KCNIP4: variants seen among roughly 807,000 people sequenced by gnomAD.
KCNIP4 encodes potassium voltage-gated channel interacting protein 4.
In KCNIP4, 12 loss-of-function variants were observed where a neutral mutation model predicts 34.0. The observed-to-expected ratio is 0.35, with a 90% CI of 0.23 to 0.57. The LOEUF is 0.57. KCNIP4 is among the 20% of genes least tolerant of loss of function. The pLI is 0.83. For missense variants in KCNIP4, 238 were observed against 311.7 expected (o/e 0.76, Z 1.78); for synonymous variants, 124 against 102.2 (o/e 1.21, Z -1.29).
intron 1 of KCNIP4, among the ~76,000 whole-genome samples, chr4:21,735,684 C>T (rs1244298183): frequency 6.6e-6 from 1 of 152,098 alleles, no homozygotes; most frequent in East Asian, 1.9e-4. Flanking sequence ...AACATGGAAC[C>T]TAGGTCCCTA....
chr4:21,573,174 G>A (rs780018683), intron 1 of KCNIP4, among the ~76,000 whole-genome samples: 7 of 152,104 alleles, frequency 4.6e-5, no homozygotes, highest in Non-Finnish European at 8.8e-5. Flanking sequence ...CAACAATAAT[G>A]GAAGAGGTAG....
chr4:20,807,062 A>G (rs544197630), intron 3 of KCNIP4, among the ~76,000 whole-genome samples: 220 of 152,234 alleles, frequency 1.4e-3, no homozygotes, highest in African/African-American at 4.1e-3. Context: ...GTGAGTTTAT[A>G]TGGTTCTGTC....
chr4:21,048,944 C>CTTTTTTTTTTTTT (rs949548104), intron 1 of KCNIP4, among the ~76,000 whole-genome samples: 4 of 96,048 alleles, frequency 4.2e-5, no homozygotes, highest in Admixed American at 1.3e-4. Context: ...TTCTGTTTAT[C>CTTTTTTTTTTTTT]TTTTTTTTTT....
At chr4:21,499,381 T>C (rs1435876965) in intron 1 of KCNIP4, among the ~76,000 whole-genome samples, 1 of 151,160 alleles carries the variant, frequency 6.6e-6, no homozygotes, top group African/African-American at 2.4e-5. Context: ...TTTATTAAAA[T>C]CGCTTCCACG....
intron 1 of KCNIP4, among the ~76,000 whole-genome samples, chr4:21,932,903 C>T (rs1729649459): frequency 6.6e-6 from 1 of 151,692 alleles, no homozygotes; most frequent in Non-Finnish European, 1.5e-5. Context: ...AAATGAAGAA[C>T]ATGCCCTAGA....
At position 21,683,831 on chromosome 4, in the gene KCNIP4, G is replaced by A. The variant is rs529599424; in HGVS notation, c.61+264740C>T. Reference sequence around the variant, plus strand: ...AGGTCATTATCCTTAGCAAACTAACGCAGGAACAGAAAACCAAATACCTGT... The same window carrying A: ...AGGTCATTATCCTTAGCAAACTAACACAGGAACAGAAAACCAAATACCTGT... On this transcript the variant is annotated intron_variant, in intron 1 of 8. Coordinates refer to ENST00000382152, the MANE Select transcript of KCNIP4 (RefSeq NM_025221.6). Among the ~76,000 whole-genome samples the A allele has an allele frequency of 7.2e-4, 109 of 152,142 alleles. No homozygotes were observed. The Middle Eastern group carries it at 0.02, about 28-fold the overall frequency.
intron 3 of KCNIP4, among the ~76,000 whole-genome samples, chr4:20,817,071 C>T (rs188912322): frequency 4.8e-4 from 73 of 152,144 alleles, no homozygotes; most frequent in South Asian, 6.2e-4. Flanking sequence ...ATTATTAAGT[C>T]GAGGAATCTT....
intron 1 of KCNIP4, among the ~76,000 whole-genome samples, chr4:20,945,967 G>T (rs1732150040): frequency 6.6e-6 from 1 of 152,126 alleles, no homozygotes; most frequent in African/African-American, 2.4e-5. Context: ...TAAATATAAG[G>T]ACTGAGAGAA....
intron 2 of KCNIP4, among the ~76,000 whole-genome samples, chr4:20,864,074 A>G (rs1722525227): frequency 6.7e-6 from 1 of 149,048 alleles, no homozygotes; most frequent in Non-Finnish European, 1.5e-5. Flanking sequence ...ATGTATACGT[A>G]TGTATGTATG....
In KCNIP4 at chr4:21,673,842, C is replaced by T. The variant is rs1201114285; in HGVS notation, c.61+274729G>A. On this transcript the variant is annotated intron_variant, in intron 1 of 8. Transcript: ENST00000382152. ...AGTATTAAACAACAGTACCTTACTT[C>T]ATCACTTCCATATGACTGACTTGTA... Among the ~76,000 whole-genome samples the T allele has an allele frequency of 2.0e-5, 3 of 152,154 alleles. No homozygotes were observed. The East Asian group carries it at 5.8e-4, about 29-fold the overall frequency.
intron 1 of KCNIP4, among the ~76,000 whole-genome samples, chr4:21,490,846 G>T (rs1183713950): frequency 1.3e-5 from 2 of 152,096 alleles, no homozygotes; most frequent in Non-Finnish European, 2.9e-5. Flanking sequence ...TAGAGAGTAT[G>T]TTAGTGTGTG....
rs185362367 is a variant in KCNIP4 at position 21,444,646 on chromosome 4, A to G, written c.61+503925T>C. The stretch of plus-strand genomic sequence containing the variant: ...TATCTCAAAATAATAAGAGCTATTT[A>G]TGATAACCCCATAGCCAATATCATA... On this transcript the variant is annotated intron_variant, in intron 1 of 8. Coordinates refer to ENST00000382152, the MANE Select transcript of KCNIP4 (RefSeq NM_025221.6). 1.5e-4 allele frequency among the ~76,000 whole-genome samples: 23 copies of G among 152,346 alleles called. 1 individual carries two copies. The East Asian group carries it at 4.4e-3, about 29-fold the overall frequency.
At chr4:21,070,685 TTTTTTTTTG>T in intron 1 of KCNIP4, among the ~76,000 whole-genome samples, 1 of 127,528 alleles carries the variant, frequency 7.8e-6, no homozygotes, top group South Asian at 2.9e-4. Flanking sequence ...TTTTTTTTTT[TTTTTTTTTG>T]AGACAGAGTC....
At chr4:21,814,683 G>A (rs1721884880) in intron 1 of KCNIP4, among the ~76,000 whole-genome samples, 2 of 152,166 alleles carry the variant, frequency 1.3e-5, no homozygotes, top group South Asian at 4.1e-4. Flanking sequence ...GCAAAAGGCT[G>A]AAGAGGGACA....
chr4:21,416,776 C>A (rs1280932332), intron 1 of KCNIP4, among the ~76,000 whole-genome samples: 1 of 152,152 alleles, frequency 6.6e-6, no homozygotes, highest in Non-Finnish European at 1.5e-5. Flanking sequence ...GTATAACCAT[C>A]TTTCCTGACC....
At chr4:21,002,153 T>C (rs1014090419) in intron 1 of KCNIP4, among the ~76,000 whole-genome samples, 5 of 152,208 alleles carry the variant, frequency 3.3e-5, no homozygotes, top group Non-Finnish European at 7.3e-5. Flanking sequence ...TCTTTCCAGA[T>C]AGCATTTAGC....
intron 1 of KCNIP4, among the ~76,000 whole-genome samples, chr4:21,267,105 G>A (rs1041467055): frequency 6.6e-6 from 1 of 152,168 alleles, no homozygotes; most frequent in African/African-American, 2.4e-5. Flanking sequence ...TGTGATGCTT[G>A]ATGAACACAA....
chr4:21,447,156 A>G (rs759287765), intron 1 of KCNIP4, among the ~76,000 whole-genome samples: 23 of 152,136 alleles, frequency 1.5e-4, no homozygotes, highest in Non-Finnish European at 2.9e-4. Flanking sequence ...CTACATCCAT[A>G]CTTTTATCTT....
At chr4:21,320,139 T>C (rs1461544546) in intron 1 of KCNIP4, among the ~76,000 whole-genome samples, 1 of 152,186 alleles carries the variant, frequency 6.6e-6, no homozygotes, top group Admixed American at 6.5e-5. Flanking sequence ...CTGAAACAGA[T>C]TACACATTAA....
Sources: allele counts gnomAD v4.1 joint callset (sites outside exome capture counted in the v4.1 genomes callset), GRCh38; gene constraint gnomAD v4.1.1; transcripts MANE v1.5; gene names NCBI Gene and HGNC (gene_info 2026-07-23, HGNC 2026-07-21).